Variants in FBLN5 observed in about 807,000 individuals in gnomAD.
FBLN5 encodes fibulin 5.
FBLN5 carries 24 observed loss-of-function variants against 61.6 expected under a neutral mutation model. The ratio of observed to expected loss-of-function variants is 0.39; its 90% confidence interval spans 0.28 to 0.55. FBLN5 has a LOEUF of 0.55. FBLN5 is among the 20% of genes least tolerant of loss of function. FBLN5 has a pLI of 0.65. For synonymous variants in FBLN5, 213 were observed against 219.8 expected (o/e 0.97, Z 0.27); for missense variants, 470 against 594.1 (o/e 0.79, Z 2.17).
chr14:91,925,270 G>C (rs1240737125), intron 4 of FBLN5, among the ~76,000 whole-genome samples: 1 of 152,216 alleles, frequency 6.6e-6, no homozygotes, highest in East Asian at 1.9e-4. Context: ...GCCTGCAGCA[G>C]GGCCCAGCAC....
In FBLN5 at chr14:91,869,710, T is replaced by C. The variant is rs17804735; in HGVS notation, c.*514A>G. 0.017 allele frequency: 2,728 copies of C among 162,658 alleles called. 37 individuals are homozygous for C. The highest frequency in any genetic ancestry group is 0.026 in the Non-Finnish European group (1,904 of 73,598). The allele number at this position is 162,658 out of a possible 1,614,324, so 10.1% of individuals were successfully genotyped here. Reference sequence around the variant, plus strand: ...CCAGGCATGGTTTTGAAACACATTCTCTAAAAACCCTTCGATCCTGCTGTG... The same window carrying C: ...CCAGGCATGGTTTTGAAACACATTCCCTAAAAACCCTTCGATCCTGCTGTG... On this transcript the variant is annotated 3_prime_UTR_variant, in exon 11 of 11. Coordinates refer to ENST00000342058, the MANE Select transcript of FBLN5 (RefSeq NM_006329.4).
At chr14:91,881,477 T>G in intron 8 of FBLN5, 59 bp from the exon 9 acceptor site, 2 of 1,601,142 alleles carry the variant, frequency 1.2e-6, no homozygotes, top group South Asian at 1.1e-5. Flanking sequence ...GCCAGACGCG[T>G]GGGGGTGGGG....
intron 4 of FBLN5, among the ~76,000 whole-genome samples, chr14:91,932,635 A>C (rs932956782): frequency 6.6e-6 from 1 of 152,208 alleles, no homozygotes; most frequent in Non-Finnish European, 1.5e-5. Flanking sequence ...GCTACCTGCA[A>C]AATAGCCTGC....
intron 4 of FBLN5, among the ~76,000 whole-genome samples, chr14:91,918,540 C>T (rs1300738867): frequency 6.6e-6 from 1 of 152,200 alleles, no homozygotes; most frequent in Non-Finnish European, 1.5e-5. Context: ...GAATGCTGAG[C>T]ACCCAGTTTG....
intron 4 of FBLN5, among the ~76,000 whole-genome samples, chr14:91,905,860 G>A (rs1890663382): frequency 6.6e-6 from 1 of 151,710 alleles, no homozygotes; most frequent in Non-Finnish European, 1.5e-5. Flanking sequence ...TTACAGGTGT[G>A]AGCCACCACA....
At chr14:91,906,977 G>T (rs545893408) in intron 4 of FBLN5, among the ~76,000 whole-genome samples, 3 of 152,226 alleles carry the variant, frequency 2.0e-5, no homozygotes, top group Non-Finnish European at 4.4e-5. Flanking sequence ...TGAATGTCAT[G>T]CTGGAGAGAA....
At chr14:91,887,656 C>G (rs1470291798) in intron 6 of FBLN5, among the ~76,000 whole-genome samples, 1 of 152,192 alleles carries the variant, frequency 6.6e-6, no homozygotes, top group African/African-American at 2.4e-5. Flanking sequence ...CCTGCTCCTT[C>G]CATCACCGGT....
chr14:91,926,761 G>A (rs1468888801), intron 4 of FBLN5, among the ~76,000 whole-genome samples: 1 of 151,412 alleles, frequency 6.6e-6, no homozygotes, highest in Non-Finnish European at 1.5e-5. Context: ...TAAAGAGCTT[G>A]CAGGTACGTG....
rs191919837 is a variant in FBLN5 at position 91,947,153 on chromosome 14, C to G, written c.17+60G>C. 5,715 of 1,612,002 alleles carry G rather than the reference C, an allele frequency of 3.5e-3. 13 individuals carry two copies. Among genetic ancestry groups the G allele is most frequent in the Non-Finnish European group, 4.6e-3 (5,419 of 1,178,266 alleles). Reference sequence around the variant, plus strand: ...GCAGCCATAACCATTTTCCACCCATCGGATTTTTAGCAAGGCTTCCAGACC... The same window carrying G: ...GCAGCCATAACCATTTTCCACCCATGGGATTTTTAGCAAGGCTTCCAGACC... On this transcript the variant is annotated intron_variant, in intron 1 of 10. Coordinates refer to ENST00000342058, the MANE Select transcript of FBLN5 (RefSeq NM_006329.4). The surrounding 1 kb of genome is among the most constrained non-coding windows in gnomAD (Gnocchi z 4.3).
chr14:91,877,695 A>T lies in FBLN5; in HGVS notation c.990-13T>A. On this transcript the variant is annotated splice_polypyrimidine_tract_variant and intron_variant, in intron 9 of 10. Coordinates refer to ENST00000342058, the MANE Select transcript of FBLN5 (RefSeq NM_006329.4). ...ACACATACAGCGGCTGTGGAAAGGG[A>T]AATCACGTGAGAACTCAAGAAATCC... is the stretch of plus-strand genomic sequence containing the variant. 1 of 1,610,290 alleles carries T rather than the reference A, an allele frequency of 6.2e-7. No homozygotes were observed. The highest frequency in any genetic ancestry group is 1.1e-5 in the South Asian group (1 of 90,990).
intron 4 of FBLN5, among the ~76,000 whole-genome samples, chr14:91,895,751 T>C (rs1321070518): frequency 7.7e-6 from 1 of 129,178 alleles, no homozygotes; most frequent in Non-Finnish European, 1.5e-5. Context: ...TGAGCCGAGA[T>C]CGCACGACTT....
intron 5 of FBLN5, among the ~76,000 whole-genome samples, chr14:91,893,058 C>G (rs1890060583): frequency 1.3e-5 from 2 of 152,092 alleles, no homozygotes; most frequent in Non-Finnish European, 2.9e-5. Context: ...TGTAACAGGG[C>G]TGGTATAGCC....
At chr14:91,871,320 T>C (rs542228405) in intron 10 of FBLN5, among the ~76,000 whole-genome samples, 1 of 152,156 alleles carries the variant, frequency 6.6e-6, no homozygotes, top group East Asian at 1.9e-4. Context: ...TCAGTATATT[T>C]TTAGGTGATG....
At chr14:91,940,705 G>T in intron 2 of FBLN5, 89 bp from the exon 3 acceptor site, 2 of 1,172,492 alleles carry the variant, frequency 1.7e-6, no homozygotes, top group Non-Finnish European at 1.3e-6. Flanking sequence ...GGGAAATGGA[G>T]CAAAAAAGAA....
intron 4 of FBLN5, among the ~76,000 whole-genome samples, chr14:91,927,926 A>T (rs2055856851): frequency 6.6e-6 from 1 of 152,276 alleles, no homozygotes. Context: ...AAAAACTTGT[A>T]GGTCATTGAA....
intron 10 of FBLN5, among the ~76,000 whole-genome samples, chr14:91,876,456 C>G (rs984094915): frequency 6.6e-5 from 10 of 152,162 alleles, no homozygotes; most frequent in African/African-American, 2.4e-4. Context: ...GGAACCCGTT[C>G]CGTTATAAGG....
In FBLN5 at chr14:91,870,304, T is replaced by C; in HGVS notation, c.1267A>G (p.Ile423Val). ...PREIQLDLEM[I>V]TVNTVINFRG... ...AAGTTGATGACAGTGTTGACAGTGA[T>C]CATTTCCAAGTCCAGCTGGATTTCC... The change falls in exon 11 of 11, where the codon ATC becomes GTC. Residue 423 changes from isoleucine (I) to valine (V), a missense_variant. Coordinates refer to ENST00000342058, the MANE Select transcript of FBLN5 (RefSeq NM_006329.4). The C allele has an allele frequency of 1.2e-6, 2 of 1,614,180 alleles. No individual in the cohort carries two copies. The highest frequency in any genetic ancestry group is 1.7e-6 in the Non-Finnish European group (2 of 1,180,016).
At chr14:91,875,909 G>A (rs972655819) in intron 10 of FBLN5, among the ~76,000 whole-genome samples, 1 of 152,200 alleles carries the variant, frequency 6.6e-6, no homozygotes, top group Non-Finnish European at 1.5e-5. Context: ...GAATCCTAGG[G>A]AATTGACGTG....
chr14:91,898,003 C>T (rs543580719), intron 4 of FBLN5, among the ~76,000 whole-genome samples: 1 of 152,278 alleles, frequency 6.6e-6, no homozygotes, highest in Non-Finnish European at 1.5e-5. Flanking sequence ...TGAGCCAAGA[C>T]TGCACCACTG....
Sources: gnomAD v4.1 joint callset for allele counts (sites outside exome capture counted in the v4.1 genomes callset) on GRCh38, gnomAD v4.1.1 for gene constraint, Gnocchi (gnomAD v3.1) non-coding constraint, MANE v1.5 for transcripts, NCBI Gene and HGNC (gene_info 2026-07-23, HGNC 2026-07-21) for gene names.